KBTBD11: variants seen among roughly 807,000 people sequenced by gnomAD.
KBTBD11 encodes the protein kelch repeat and BTB domain-containing protein 11.
For missense variants in KBTBD11, 1,390 were observed against 1,001.8 expected, an observed-to-expected ratio of 1.39 and a Z score of -5.23; for synonymous variants, 747 against 499.0, an observed-to-expected ratio of 1.50 and a Z score of -6.63.
In KBTBD11 at chr8:1,990,998, A is replaced by G. The variant is rs78720974; in HGVS notation, c.-908-9287A>G. On this transcript the variant is annotated intron_variant, in intron 1 of 1. Transcript: ENST00000320248. ...GGGCCTTGGCGCCCTGTCCGGGTAG[A>G]TGCTGCGGGGCCTTGGCGCCCTGTC... Among the ~76,000 whole-genome samples, 41 of 5,778 alleles carry G rather than the reference A, an allele frequency of 7.1e-3. 1 individual carries two copies. Among genetic ancestry groups the G allele is most frequent in the African/African-American group, 0.012 (6 of 518 alleles). The allele number at this position is 5,778 out of a possible 152,430, so 3.8% of individuals were successfully genotyped here. A position where few individuals can be genotyped will look rare whatever the true frequency, so the allele number is the denominator to read the frequency against.
At chr8:1,977,432 C>T (rs1816385309) in intron 1 of KBTBD11, among the ~76,000 whole-genome samples, 1 of 152,180 alleles carries the variant, frequency 6.6e-6, no homozygotes, top group African/African-American at 2.4e-5. Flanking sequence ...ACCTCCATCT[C>T]ATGCTTGGAC....
rs1816204681 is a variant in KBTBD11 at position 1,973,806 on chromosome 8, G to C, written c.-1038G>C. 2.0e-6 allele frequency: 2 copies of C among 983,284 alleles called. No homozygotes were observed. The highest frequency in any genetic ancestry group is 2.4e-6 in the Non-Finnish European group (2 of 829,192). The allele number at this position is 983,284 out of a possible 1,614,324, so 60.9% of individuals were successfully genotyped here. ...GCTGCGGGTCGGAGGAGCAGCTCCCGCTCGCAGGTGCTCGGAGAGGCCGGG... is the reference window on the plus strand; with the variant it reads ...GCTGCGGGTCGGAGGAGCAGCTCCCCCTCGCAGGTGCTCGGAGAGGCCGGG... On this transcript the variant is annotated 5_prime_UTR_variant, in exon 1 of 2. Transcript: ENST00000320248.
At chr8:1,983,357 C>G (rs115242234) in intron 1 of KBTBD11, among the ~76,000 whole-genome samples, 1 of 152,232 alleles carries the variant, frequency 6.6e-6, no homozygotes, top group Non-Finnish European at 1.5e-5. Flanking sequence ...TGTCCCCAGT[C>G]ACGATGCTCC....
rs1817397070 is a variant in KBTBD11 at position 2,002,113 on chromosome 8, C to T, written c.921C>T (p.Arg307=). 9.1e-7 allele frequency: 1 copy of T among 1,098,876 alleles called. No homozygotes were observed. The highest frequency in any genetic ancestry group is 1.1e-6 in the Non-Finnish European group (1 of 905,906). The allele number at this position is 1,098,876 out of a possible 1,614,324, so 68.1% of individuals were successfully genotyped here. Residue 307 remains arginine (R), a synonymous_variant, in exon 2 of 2, where the codon CGC becomes CGT. Coordinates refer to ENST00000320248, the MANE Select transcript of KBTBD11 (RefSeq NM_014867.3). This position sits in a 1 kb window ranked among gnomAD's most constrained non-coding sequence, Gnocchi z 4.1. ...LAAALGPAGE[R]AGSRPQSPSG... Reference sequence around the variant, plus strand: ...CGGCGCTCGGGCCGGCGGGGGAGCGCGCGGGCAGCCGGCCTCAGAGCCCCT... The same window carrying T: ...CGGCGCTCGGGCCGGCGGGGGAGCGTGCGGGCAGCCGGCCTCAGAGCCCCT...
At chr8:1,974,607 C>G (rs1227636086) in intron 1 of KBTBD11, 1 of 985,120 alleles carries the variant, frequency 1.0e-6, no homozygotes. Context: ...CGCGACCCAC[C>G]CGCCCCACCG....
At chr8:1,994,058 G>A (rs183151072) in intron 1 of KBTBD11, among the ~76,000 whole-genome samples, 47 of 152,228 alleles carry the variant, frequency 3.1e-4, no homozygotes, top group Non-Finnish European at 5.3e-4. Flanking sequence ...TGAGTTGGGA[G>A]CAGATTGCTC....
At position 2,001,643 on chromosome 8, in the gene KBTBD11, C is replaced by A. The variant is rs2129316395; in HGVS notation, c.451C>A (p.Leu151Met). ...DLVLEVSGRR[L>M]RAHKAVLAAR... ...GGTGCTGGAGGTGTCGGGGCGCCGG[C>A]TGCGCGCGCACAAGGCGGTGCTGGC... The change falls in exon 2 of 2, where the codon CTG (leucine) becomes ATG (methionine). Residue 151 changes from leucine to methionine, a missense_variant. By Grantham distance (15) the Leu-to-Met change is conservative (BLOSUM62 2). Coordinates refer to ENST00000320248, the MANE Select transcript of KBTBD11 (RefSeq NM_014867.3). The A allele has an allele frequency of 1.4e-6, 2 of 1,478,916 alleles. No individual in the cohort carries two copies. The highest frequency in any genetic ancestry group is 1.8e-6 in the Non-Finnish European group (2 of 1,120,388). The allele number at this position is 1,478,916 out of a possible 1,614,324, so 91.6% of individuals were successfully genotyped here.
In KBTBD11 at chr8:1,991,454, C is replaced by A. The variant is rs533962681; in HGVS notation, c.-908-8831C>A. Among the ~76,000 whole-genome samples the A allele has an allele frequency of 5.1e-4, 77 of 152,364 alleles. 2 individuals carry two copies. Among genetic ancestry groups the A allele is most frequent in the African/African-American group, 1.7e-3 (69 of 41,580 alleles). ...CCACATGCTCCAGGGGTCTCACTCT[C>A]CTGTCCTCTTCCCATTTTTAAGTTT... is the stretch of plus-strand genomic sequence containing the variant. On this transcript the variant is annotated intron_variant, in intron 1 of 1. Transcript: ENST00000320248.
Position 2,001,329 on chromosome 8 carries a change from G to C in KBTBD11, c.137G>C (p.Gly46Ala). ...GGCGCGTCCCTGTGCTTCAGCTCCG[G>C]GGAAGAGTCCCCGCCGCAGTCCCTC... The part of the protein sequence containing the change: ...SLGASLCFSS[G>A]EESPPQSLAS... The change falls in exon 2 of 2, where the codon GGG becomes GCG. Residue 46 changes from glycine (G) to alanine (A), a missense_variant. Physicochemically the swap from Gly to Ala is moderately conservative, Grantham distance 60. Transcript: ENST00000320248. The C allele has an allele frequency of 3.3e-6, 5 of 1,516,138 alleles. No homozygotes were observed. In the South Asian group the frequency reaches 4.9e-5, roughly 15 times the overall value. The allele number at this position is 1,516,138 out of a possible 1,614,324, so 93.9% of individuals were successfully genotyped here.
At chr8:1,982,507 CA>C (rs35287865) in intron 1 of KBTBD11, among the ~76,000 whole-genome samples, 85,474 of 151,960 alleles carry the variant, frequency 0.56, 25,576 homozygotes, top group East Asian at 0.83. Context: ...ATGCTGCCTA[CA>C]AGAGACCCAC....
intron 1 of KBTBD11, 117 bp downstream of exon 1, chr8:1,974,052 C>T (rs976250852): frequency 1.2e-5 from 7 of 589,592 alleles, no homozygotes; most frequent in Middle Eastern, 9.1e-4. Flanking sequence ...CGGCAGTAGG[C>T]GGGAGGGGAG....
intron 1 of KBTBD11, among the ~76,000 whole-genome samples, chr8:1,997,617 C>A (rs1817191487): frequency 1.3e-5 from 2 of 152,314 alleles, no homozygotes; most frequent in South Asian, 4.1e-4. Context: ...CTCCCGAGCC[C>A]CTGATGCAGC....
chr8:2,001,735 G>A lies in KBTBD11; in HGVS notation c.543G>A (p.Leu181=), dbSNP rs1196549116. 7.3e-7 allele frequency: 1 copy of A among 1,364,140 alleles called. No individual in the cohort carries two copies. The highest frequency in any genetic ancestry group is 1.7e-5 in the South Asian group (1 of 60,060). 84.5% of individuals were successfully genotyped at this position (1,364,140 alleles called of 1,614,324 possible). ...TGCTGCGGGTGCAGGGAGTGAGCCTGACGGCGCTGCGGCTGCTCCTCGCCG... is the reference window on the plus strand; with the variant it reads ...TGCTGCGGGTGCAGGGAGTGAGCCTAACGGCGCTGCGGCTGCTCCTCGCCG... ...RDVLRVQGVS[L]TALRLLLADA... Residue 181 remains leucine (L), a synonymous_variant, in exon 2 of 2, where the codon CTG becomes CTA. Transcript: ENST00000320248.
chr8:1,989,182 G>C (rs544427413), intron 1 of KBTBD11, among the ~76,000 whole-genome samples: 9 of 152,270 alleles, frequency 5.9e-5, no homozygotes, highest in African/African-American at 2.2e-4. Flanking sequence ...TAATTCTTGA[G>C]TCGGGCCACA....
chr8:1,977,803 TGG>T (rs1563361164), intron 1 of KBTBD11, among the ~76,000 whole-genome samples: 54 of 152,340 alleles, frequency 3.5e-4, no homozygotes, highest in Non-Finnish European at 4.9e-4. Context: ...CCCAAAGTGC[TGG>T]GATTACAGGC....
At chr8:1,995,870 C>A (rs751256929) in intron 1 of KBTBD11, among the ~76,000 whole-genome samples, 8 of 152,062 alleles carry the variant, frequency 5.3e-5, no homozygotes, top group Non-Finnish European at 1.0e-4. Context: ...ACTAAACATA[C>A]AAAAATTAGC....
chr8:2,001,282 G>A lies in KBTBD11; in HGVS notation c.90G>A (p.Pro30=), dbSNP rs1817337746. 1.3e-6 allele frequency: 2 copies of A among 1,521,464 alleles called. No homozygotes were observed. Among genetic ancestry groups the A allele is most frequent in the Admixed American group, 1.9e-5 (1 of 51,498 alleles). 94.2% of individuals were successfully genotyped at this position (1,521,464 alleles called of 1,614,324 possible). A position where few individuals can be genotyped will look rare whatever the true frequency, so the allele number is the denominator to read the frequency against. The change falls in exon 2 of 2, where the codon CCG becomes CCA. Residue 30 remains proline, a synonymous_variant. Transcript: ENST00000320248. ...GCGAGAGCGAGGGCGCCGCGTCCCC[G>A]GCGCAGACACCCTGCAGTCTCGGCG... ...GESESEGAAS[P]AQTPCSLGAS...
In KBTBD11 at chr8:2,003,024, T is replaced by G; in HGVS notation, c.1832T>G (p.Leu611Arg). Reference sequence around the variant, plus strand: ...GTGCTCATCCCGTTCGCTCTCAGCCTGCCTGAGAAGCCGCCCCGAGGGGAG... The same window carrying G: ...GTGCTCATCCCGTTCGCTCTCAGCCGGCCTGAGAAGCCGCCCCGAGGGGAG... ...RGVLIPFALS[L>R]PEKPPRGEQG... Residue 611 changes from leucine (L) to arginine (R), a missense_variant, in exon 2 of 2, where the codon CTG becomes CGG. Transcript: ENST00000320248. 7.8e-7 allele frequency: 1 copy of G among 1,275,778 alleles called. No homozygotes were observed. The highest frequency in any genetic ancestry group is 3.1e-5 in the East Asian group (1 of 31,812). 79.0% of individuals were successfully genotyped at this position (1,275,778 alleles called of 1,614,324 possible).
chr8:1,991,446 C>G (rs1585741407), intron 1 of KBTBD11, among the ~76,000 whole-genome samples: 1 of 152,252 alleles, frequency 6.6e-6, no homozygotes, highest in East Asian at 1.9e-4. Context: ...CTCCAGGGGT[C>G]TCACTCTCCT....
Sources: gnomAD v4.1 joint callset for allele counts (sites outside exome capture counted in the v4.1 genomes callset) on GRCh38, gnomAD v4.1.1 for gene constraint, Gnocchi (gnomAD v3.1) non-coding constraint, MANE v1.5 for transcripts, NCBI Gene and HGNC (gene_info 2026-07-23, HGNC 2026-07-21) for gene names.